RFX3: variants seen among roughly 807,000 people sequenced by gnomAD.
RFX3 encodes the protein transcription factor RFX3.
A neutral mutation model predicts 98.6 loss-of-function variants in RFX3; 14 were observed. That is an observed-to-expected ratio of 0.14 (90% CI 0.09 to 0.22). The LOEUF (loss-of-function observed/expected upper bound fraction) is 0.22, where lower values mean the gene tolerates loss of function less well. Among genes scored for constraint, RFX3 ranks in the 10% least tolerant of loss-of-function variants. The pLI is 1.00. For missense variants in RFX3, 639 were observed against 926.9 expected (o/e 0.69, Z 4.03); for synonymous variants, 383 against 328.4 (o/e 1.17, Z -1.80).
intron 1 of RFX3, among the ~76,000 whole-genome samples, chr9:3,416,215 A>G (rs1842968283): frequency 6.6e-6 from 1 of 152,208 alleles, no homozygotes; most frequent in Admixed American, 6.5e-5. Flanking sequence ...GACAATCAAG[A>G]TAGAAATAAA....
intron 1 of RFX3, among the ~76,000 whole-genome samples, chr9:3,496,648 T>C (rs969302810): frequency 6.6e-6 from 1 of 151,956 alleles, no homozygotes; most frequent in African/African-American, 2.4e-5. Context: ...ACTTTATCTT[T>C]CAGGTAATAT....
At chr9:3,227,615 G>C (rs1666906162) in intron 16 of RFX3, among the ~76,000 whole-genome samples, 2 of 152,170 alleles carry the variant, frequency 1.3e-5, no homozygotes, top group East Asian at 3.9e-4. Flanking sequence ...AAACTCTACT[G>C]TCCTTCTGGA....
Position 3,288,260 on chromosome 9 carries a change from T to A in RFX3, c.732-10A>T, listed in dbSNP as rs1198295629. 1.2e-6 allele frequency: 2 copies of A among 1,611,026 alleles called. No individual in the cohort carries two copies. The highest frequency in any genetic ancestry group is 1.7e-6 in the Non-Finnish European group (2 of 1,177,716). ...GTATTTGGAGTTTCCTCTTCATTAA[T>A]GAACAAGAAACATTAGAAACAAAAG... On this transcript the variant is annotated splice_polypyrimidine_tract_variant and intron_variant, in intron 6 of 16. Transcript: ENST00000617270.
intron 1 of RFX3, among the ~76,000 whole-genome samples, chr9:3,418,353 T>C (rs1346178165): frequency 2.6e-5 from 4 of 152,164 alleles, no homozygotes; most frequent in Admixed American, 2.0e-4. Flanking sequence ...TTACATAGCA[T>C]TGATTTATAA....
chr9:3,487,376 T>C (rs142451327), intron 1 of RFX3, among the ~76,000 whole-genome samples: 1 of 152,340 alleles, frequency 6.6e-6, no homozygotes, highest in Admixed American at 6.5e-5. Context: ...CACATTTACA[T>C]TTTTAAAACT....
intron 1 of RFX3, among the ~76,000 whole-genome samples, chr9:3,461,807 A>AT (rs986189360): frequency 6.6e-6 from 1 of 151,974 alleles, no homozygotes; most frequent in Non-Finnish European, 1.5e-5. Context: ...TTTAATTTGC[A>AT]TATCAATTTT....
At chr9:3,358,511 G>C (rs1370497602) in intron 2 of RFX3, among the ~76,000 whole-genome samples, 1 of 152,060 alleles carries the variant, frequency 6.6e-6, no homozygotes, top group Non-Finnish European at 1.5e-5. Context: ...TACGTCTCTT[G>C]ATCACATGGA....
At chr9:3,505,316 T>TTATATA (rs1564187191) in intron 1 of RFX3, among the ~76,000 whole-genome samples, 1 of 61,768 alleles carries the variant, frequency 1.6e-5, no homozygotes, top group East Asian at 1.3e-3. Flanking sequence ...AAATATATAT[T>TTATATA]AATGTATATT....
chr9:3,486,130 A>AG (rs1350729392), intron 1 of RFX3, among the ~76,000 whole-genome samples: 2 of 143,272 alleles, frequency 1.4e-5, no homozygotes, highest in African/African-American at 5.2e-5. Context: ...TCTCAAACCA[A>AG]AAAAAAAAAA....
intron 7 of RFX3, among the ~76,000 whole-genome samples, chr9:3,285,867 G>A (rs747973423): frequency 1.3e-5 from 2 of 151,626 alleles, no homozygotes; most frequent in African/African-American, 4.8e-5. Flanking sequence ...AGAATGCAGA[G>A]GTTTTTATGG....
chr9:3,317,051 G>T (rs12683752), intron 4 of RFX3, among the ~76,000 whole-genome samples: 1 of 152,170 alleles, frequency 6.6e-6, no homozygotes, highest in East Asian at 1.9e-4. Context: ...AAAAGAGCCC[G>T]CATTGCCCAG....
At chr9:3,357,075 G>A (rs933610207) in intron 2 of RFX3, among the ~76,000 whole-genome samples, 1 of 151,518 alleles carries the variant, frequency 6.6e-6, no homozygotes. Flanking sequence ...ATATTTAATA[G>A]TAGGAGACAG....
chr9:3,361,425 A>G (rs558020774), intron 2 of RFX3, among the ~76,000 whole-genome samples: 188 of 152,284 alleles, frequency 1.2e-3, no homozygotes, highest in Admixed American at 2.4e-3. Flanking sequence ...AAGAAAAAGC[A>G]TACGGGAAAA....
chr9:3,298,226 G>GA (rs952393747), intron 5 of RFX3, among the ~76,000 whole-genome samples: 1 of 151,522 alleles, frequency 6.6e-6, no homozygotes, highest in Non-Finnish European at 1.5e-5. Flanking sequence ...TTGTTTAGAG[G>GA]AAAAAAAGAG....
intron 15 of RFX3, among the ~76,000 whole-genome samples, chr9:3,244,097 G>T (rs1162997116): frequency 6.6e-6 from 1 of 151,868 alleles, no homozygotes; most frequent in Non-Finnish European, 1.5e-5. Context: ...CACCTCCTGG[G>T]TTCAAGCAAT....
At chr9:3,385,299 G>A (rs1587442811) in intron 2 of RFX3, among the ~76,000 whole-genome samples, 1 of 152,122 alleles carries the variant, frequency 6.6e-6, no homozygotes, top group South Asian at 2.1e-4. Flanking sequence ...AAAATTGATA[G>A]TTTGATAGGC....
At chr9:3,427,132 T>C (rs578086287) in intron 1 of RFX3, among the ~76,000 whole-genome samples, 13 of 150,674 alleles carry the variant, frequency 8.6e-5, no homozygotes, top group African/African-American at 2.2e-4. Context: ...TCTACTGCTA[T>C]TGACTTTATT....
At chr9:3,370,590 T>C (rs1837730165) in intron 2 of RFX3, among the ~76,000 whole-genome samples, 1 of 152,072 alleles carries the variant, frequency 6.6e-6, no homozygotes, top group African/African-American at 2.4e-5. Context: ...AGGAAAGTTT[T>C]CTAGAGTGAT....
At chr9:3,444,639 T>C (rs1177822945) in intron 1 of RFX3, among the ~76,000 whole-genome samples, 1 of 152,172 alleles carries the variant, frequency 6.6e-6, no homozygotes, top group African/African-American at 2.4e-5. Flanking sequence ...AAACTGGGAA[T>C]ACACTAAACC....
Sources: allele counts gnomAD v4.1 joint callset (sites outside exome capture counted in the v4.1 genomes callset), GRCh38; gene constraint gnomAD v4.1.1; transcripts MANE v1.5; gene names NCBI Gene and HGNC (gene_info 2026-07-23, HGNC 2026-07-21).